Variants in ZMIZ1 observed in about 807,000 individuals in gnomAD.
ZMIZ1 encodes the protein zinc finger MIZ domain-containing protein 1.
In ZMIZ1, 17 loss-of-function variants were observed where a neutral mutation model predicts 113.9. The ratio of observed to expected loss-of-function variants is 0.15; its 90% CI spans 0.10 to 0.22. The LOEUF (loss-of-function observed/expected upper bound fraction) is 0.22. ZMIZ1 is among the 10% of genes least tolerant of loss of function. The pLI is 1.00. For missense variants in ZMIZ1, 1,059 were observed against 1,477.8 expected, an observed-to-expected ratio of 0.72 and a Z score of 4.65; for synonymous variants, 607 against 603.1, an observed-to-expected ratio of 1.01 and a Z score of -0.09.
At chr10:79,144,295 C>T (rs557069713) in intron 3 of ZMIZ1, among the ~76,000 whole-genome samples, 4 of 152,304 alleles carry the variant, frequency 2.6e-5, no homozygotes, top group East Asian at 3.9e-4. Flanking sequence ...TCACAAGGGG[C>T]AGGAACTGCA....
Position 79,296,218 on chromosome 10 carries a change from C to T in ZMIZ1, c.1231-253C>T. ...GTGAGCAAGAGGCTCTGAAAGTGTC[C>T]CTGGAGTTCAGGGGCACATGTGCTC... On this transcript the variant is annotated intron_variant, in intron 12 of 24. Transcript: ENST00000334512. This position sits in a 1 kb window ranked among gnomAD's most constrained non-coding sequence, Gnocchi z 4.1. The T allele has an allele frequency of 3.6e-6, 2 of 558,760 alleles. No individual in the cohort carries two copies. The highest frequency in any genetic ancestry group is 6.4e-6 in the Non-Finnish European group (2 of 312,350). The allele number at this position is 558,760 out of a possible 1,614,324, so 34.6% of individuals were successfully genotyped here. A position where few individuals can be genotyped will look rare whatever the true frequency, so the allele number is the denominator to read the frequency against.
intron 8 of ZMIZ1, among the ~76,000 whole-genome samples, chr10:79,287,058 A>T (rs1853137096): frequency 6.6e-6 from 1 of 152,180 alleles, no homozygotes; most frequent in Middle Eastern, 3.2e-3. Context: ...CACACCTAGG[A>T]CATGGGCCTT....
At chr10:79,255,377 CG>C (rs946658023) in intron 7 of ZMIZ1, among the ~76,000 whole-genome samples, 7 of 152,320 alleles carry the variant, frequency 4.6e-5, no homozygotes, top group African/African-American at 1.7e-4. Flanking sequence ...CACCCTTCTT[CG>C]GGAATGGATG....
intron 4 of ZMIZ1, among the ~76,000 whole-genome samples, chr10:79,191,395 T>C (rs1008840084): frequency 3.9e-5 from 6 of 152,066 alleles, no homozygotes; most frequent in Admixed American, 6.6e-5. Flanking sequence ...TGCCTCTGTC[T>C]ACAGTCACAT....
intron 5 of ZMIZ1, among the ~76,000 whole-genome samples, chr10:79,207,727 C>T (rs529085769): frequency 1.8e-3 from 278 of 152,284 alleles, no homozygotes; most frequent in African/African-American, 6.3e-3. Context: ...AGTACAGGCA[C>T]GTGTGCTTCC....
intron 2 of ZMIZ1, among the ~76,000 whole-genome samples, chr10:79,124,040 A>C (rs1844413855): frequency 6.6e-6 from 1 of 152,174 alleles, no homozygotes; most frequent in African/African-American, 2.4e-5. Flanking sequence ...CCCCCACCCA[A>C]GCCTGGATCT....
At chr10:79,297,818 C>A in intron 14 of ZMIZ1, 128 bp downstream of exon 14, 1 of 751,180 alleles carries the variant, frequency 1.3e-6, no homozygotes. Flanking sequence ...ACTCCCTGGT[C>A]CCCTGTCCTG....
intron 7 of ZMIZ1, among the ~76,000 whole-genome samples, chr10:79,217,723 G>C (rs1049574121): frequency 7.2e-5 from 11 of 152,174 alleles, no homozygotes; most frequent in Non-Finnish European, 1.5e-4. Context: ...TTTCCAGTCT[G>C]CACACATGGA....
chr10:79,104,950 G>GGGGTGTGTGTGTGT (rs1190362797), intron 1 of ZMIZ1, among the ~76,000 whole-genome samples: 139 of 140,186 alleles, frequency 9.9e-4, no homozygotes, highest in African/African-American at 3.7e-3. Context: ...GTTGTTGTGG[G>GGGGTGTGTGTGTGT]GTGTGTGTGT....
At chr10:79,164,132 G>T (rs1435130792) in intron 4 of ZMIZ1, among the ~76,000 whole-genome samples, 1 of 152,204 alleles carries the variant, frequency 6.6e-6, no homozygotes, top group African/African-American at 2.4e-5. Context: ...AGACACGGCT[G>T]GGGGTGGGGA....
chr10:79,174,089 G>A (rs541994241), intron 4 of ZMIZ1, among the ~76,000 whole-genome samples: 1 of 152,374 alleles, frequency 6.6e-6, no homozygotes, highest in South Asian at 2.1e-4. Context: ...GGTGCTTGGA[G>A]GGTGAGGTGC....
chr10:79,238,170 T>C (rs564067136), intron 7 of ZMIZ1, among the ~76,000 whole-genome samples: 2 of 152,282 alleles, frequency 1.3e-5, no homozygotes, highest in African/African-American at 4.8e-5. Context: ...GAATCCTCTC[T>C]TCTCCTCTAG....
intron 4 of ZMIZ1, among the ~76,000 whole-genome samples, chr10:79,179,538 C>T (rs1284006483): frequency 6.6e-6 from 1 of 152,230 alleles, no homozygotes; most frequent in Non-Finnish European, 1.5e-5. Flanking sequence ...CTGGCACTGC[C>T]CAGCCACATG....
At chr10:79,119,836 G>A (rs558155074) in intron 2 of ZMIZ1, among the ~76,000 whole-genome samples, 2 of 152,294 alleles carry the variant, frequency 1.3e-5, no homozygotes, top group East Asian at 3.9e-4. Context: ...GAGGAGGGGT[G>A]TGTAGGCTGG....
intron 6 of ZMIZ1, among the ~76,000 whole-genome samples, chr10:79,215,838 C>T (rs979546159): frequency 6.6e-6 from 1 of 152,068 alleles, no homozygotes; most frequent in Non-Finnish European, 1.5e-5. Flanking sequence ...AGGGCCCACC[C>T]TAAGGATGGT....
At chr10:79,102,321 G>A (rs1843394897) in intron 1 of ZMIZ1, among the ~76,000 whole-genome samples, 1 of 152,248 alleles carries the variant, frequency 6.6e-6, no homozygotes, top group Non-Finnish European at 1.5e-5. Context: ...TTAGCCTTCA[G>A]AGGGCTGTGG....
At chr10:79,075,569 GCA>G (rs1368998602) in intron 1 of ZMIZ1, among the ~76,000 whole-genome samples, 1 of 150,844 alleles carries the variant, frequency 6.6e-6, no homozygotes, top group African/African-American at 2.5e-5. Context: ...GCACACACAT[GCA>G]CACACATGCA....
In ZMIZ1 at chr10:79,314,689, T is replaced by TA. The variant is rs145247762; in HGVS notation, c.*1943dup. Reference sequence around the variant, plus strand: ...ACAAAGACCGAGTCTTCTTTTTTTTTAAACAAAAACAAAAAAAGCAACCAG... The same window carrying TA: ...ACAAAGACCGAGTCTTCTTTTTTTTTAAAACAAAAACAAAAAAAGCAACCAG... On this transcript the variant is annotated 3_prime_UTR_variant, in exon 25 of 25. Coordinates refer to ENST00000334512, the MANE Select transcript of ZMIZ1 (RefSeq NM_020338.4). The TA allele has an allele frequency of 0.17, 28,212 of 168,906 alleles. 3,992 individuals carry two copies. Among genetic ancestry groups the TA allele is most frequent in the African/African-American group, 0.4 (16,485 of 41,502 alleles). 10.5% of individuals were successfully genotyped at this position (168,906 alleles called of 1,614,324 possible).
At chr10:79,231,023 GCCT>G (rs1849374292) in intron 7 of ZMIZ1, among the ~76,000 whole-genome samples, 1 of 152,218 alleles carries the variant, frequency 6.6e-6, no homozygotes, top group Admixed American at 6.5e-5. Flanking sequence ...CCGGTCCTGT[GCCT>G]CCTCCTGGGG....
Sources: gnomAD v4.1 joint callset for allele counts (sites outside exome capture counted in the v4.1 genomes callset) on GRCh38, gnomAD v4.1.1 for gene constraint, Gnocchi (gnomAD v3.1) non-coding constraint, MANE v1.5 for transcripts, NCBI Gene and HGNC (gene_info 2026-07-23, HGNC 2026-07-21) for gene names.